MED13L: variants seen among roughly 807,000 people sequenced by gnomAD.
The protein encoded by MED13L is mediator of RNA polymerase II transcription subunit 13-like.
Under a neutral mutation model 220.9 loss-of-function variants are expected in MED13L, and 7 were observed. That is an observed-to-expected ratio of 0.03 (90% CI 0.02 to 0.06). The LOEUF (loss-of-function observed/expected upper bound fraction) is 0.06. Ranked by LOEUF, MED13L falls within the 10% of genes least tolerant of loss-of-function variation. The pLI, the probability that MED13L is intolerant of heterozygous loss-of-function variation, is 1.00. For missense variants in MED13L, 1,965 were observed against 2,760.5 expected (o/e 0.71, Z 6.46); for synonymous variants, 1,011 against 1,015.2 (o/e 1.00, Z 0.08).
chr12:116,024,044 G>C (rs2113544), intron 4 of MED13L, among the ~76,000 whole-genome samples: 1,710 of 152,220 alleles, frequency 0.011, 30 homozygotes, highest in African/African-American at 0.036. Flanking sequence ...TCAGCTAAGG[G>C]AGTTTGAGCT....
intron 17 of MED13L, among the ~76,000 whole-genome samples, chr12:115,989,200 G>A (rs936809297): frequency 3.3e-5 from 5 of 152,060 alleles, no homozygotes; most frequent in African/African-American, 9.7e-5. Flanking sequence ...AGCCGGGTTC[G>A]CACATCATTC....
At chr12:116,008,336 T>C (rs1879180704) in intron 10 of MED13L, 65 bp downstream of exon 10, 2 of 1,530,324 alleles carry the variant, frequency 1.3e-6, no homozygotes, top group Admixed American at 2.1e-5. Context: ...GTTTAGCAGG[T>C]AGAGATGGGG....
intron 17 of MED13L, among the ~76,000 whole-genome samples, chr12:115,990,308 G>C (rs540765430): frequency 3.9e-4 from 60 of 152,278 alleles, no homozygotes; most frequent in African/African-American, 1.1e-3. Flanking sequence ...TTATAAAATG[G>C]GTTGTAATAA....
intron 29 of MED13L, among the ~76,000 whole-genome samples, chr12:115,965,484 T>C (rs1057236224): frequency 2.6e-5 from 4 of 152,240 alleles, no homozygotes; most frequent in African/African-American, 4.8e-5. Flanking sequence ...CAACACAGTA[T>C]GCTGCCAAAT....
chr12:116,156,800 C>T (rs1361792609), intron 2 of MED13L, among the ~76,000 whole-genome samples: 1 of 152,134 alleles, frequency 6.6e-6, no homozygotes, highest in Non-Finnish European at 1.5e-5. Context: ...ATGCCTAAGT[C>T]ATAAAACTGC....
chr12:116,041,597 C>T (rs1414640054), intron 4 of MED13L, among the ~76,000 whole-genome samples: 2 of 152,322 alleles, frequency 1.3e-5, no homozygotes, highest in African/African-American at 2.4e-5. Flanking sequence ...GCAATCCCAG[C>T]ACTTTGGGAG....
chr12:116,006,513 T>G, intron 11 of MED13L, 102 bp from the exon 12 acceptor site: 1 of 901,192 alleles, frequency 1.1e-6, no homozygotes, highest in Non-Finnish European at 1.8e-6. Flanking sequence ...GAACTTGTTA[T>G]GAGCACAAGT....
At chr12:116,226,781 A>C (rs1869043527) in intron 2 of MED13L, among the ~76,000 whole-genome samples, 1 of 151,366 alleles carries the variant, frequency 6.6e-6, no homozygotes, top group South Asian at 2.1e-4. Context: ...AGGCAGGGGA[A>C]CTGCTCGAAC....
chr12:116,206,562 A>G (rs994464439), intron 2 of MED13L, among the ~76,000 whole-genome samples: 10 of 152,198 alleles, frequency 6.6e-5, no homozygotes, highest in African/African-American at 1.2e-4. Flanking sequence ...GGGGAAAAAA[A>G]GGTAACAATA....
At chr12:116,197,101 A>G (rs1881679860) in intron 2 of MED13L, among the ~76,000 whole-genome samples, 1 of 152,176 alleles carries the variant, frequency 6.6e-6, no homozygotes, top group African/African-American at 2.4e-5. Context: ...TAAACAGCAC[A>G]CTCACTTTAC....
In MED13L at chr12:116,277,165, A is replaced by ATG; in HGVS notation, c.-36_-35dup. 6.6e-7 allele frequency: 1 copy of ATG among 1,519,156 alleles called. No homozygotes were observed. Among genetic ancestry groups the ATG allele is most frequent in the Non-Finnish European group, 8.9e-7 (1 of 1,129,196 alleles). 94.1% of individuals were successfully genotyped at this position (1,519,156 alleles called of 1,614,324 possible). ...GCGAGCCCGGCCGCCAGAGCGGGGC[A>ATG]TGTCGGAGCGAGGCGTCCGAGGCGA... On this transcript the variant is annotated 5_prime_UTR_variant, in exon 1 of 31. It adds an upstream start codon to the 5' untranslated region. Transcript: ENST00000281928.
Position 116,277,269 on chromosome 12 carries a change from GCC to G in MED13L, c.-140_-139del. The G allele has an allele frequency of 4.8e-6, 1 of 209,340 alleles. No homozygotes were observed. Among genetic ancestry groups the G allele is most frequent in the African/African-American group, 2.4e-5 (1 of 41,688 alleles). 13.0% of individuals were successfully genotyped at this position (209,340 alleles called of 1,614,324 possible). A position where few individuals can be genotyped will look rare whatever the true frequency, so the allele number is the denominator to read the frequency against. On this transcript the variant is annotated 5_prime_UTR_variant, in exon 1 of 31. Coordinates refer to ENST00000281928, the MANE Select transcript of MED13L (RefSeq NM_015335.5). ...GCCGCCGCCGGGGGAGGGCGCGAGG[GCC>G]GGCGGGCAGGCGGGAGGCGCCGCGG...
intron 4 of MED13L, among the ~76,000 whole-genome samples, chr12:116,084,016 C>T (rs753235827): frequency 6.6e-6 from 1 of 152,176 alleles, no homozygotes; most frequent in Non-Finnish European, 1.5e-5. Flanking sequence ...CAAGTCAAAG[C>T]ACAAATACAG....
At chr12:116,108,387 G>GA (rs1293186758) in intron 3 of MED13L, among the ~76,000 whole-genome samples, 1 of 100,400 alleles carries the variant, frequency 1.0e-5, no homozygotes, top group Non-Finnish European at 2.0e-5. Flanking sequence ...AGCTTTAAAA[G>GA]AAAGGGGGGG....
intron 2 of MED13L, among the ~76,000 whole-genome samples, chr12:116,196,703 G>T (rs929401598): frequency 6.6e-6 from 1 of 152,162 alleles, no homozygotes; most frequent in Admixed American, 6.6e-5. Context: ...TAATAATGCT[G>T]ATAATTTAGG....
At chr12:116,101,595 T>C (rs1873072733) in intron 3 of MED13L, among the ~76,000 whole-genome samples, 2 of 152,220 alleles carry the variant, frequency 1.3e-5, no homozygotes, top group Non-Finnish European at 1.5e-5. Context: ...CACTGAAGAT[T>C]AAAATCATAG....
chr12:116,092,885 A>G (rs1447482658), intron 4 of MED13L, among the ~76,000 whole-genome samples: 1 of 152,166 alleles, frequency 6.6e-6, no homozygotes. Context: ...TTTGCCCAAG[A>G]GTCAGTGACA....
chr12:116,269,315 CCAAAGAGCTGGGATTACAGGCCTGAG>C, intron 1 of MED13L, among the ~76,000 whole-genome samples: 1 of 152,110 alleles, frequency 6.6e-6, no homozygotes, highest in African/African-American at 2.4e-5. Flanking sequence ...CCTCGGCCTC[CCAAAGAGCTGGGATTACAGGCCTGAG>C]CACCGCACCC....
At chr12:116,256,564 C>A (rs372483734) in intron 1 of MED13L, among the ~76,000 whole-genome samples, 11 of 151,748 alleles carry the variant, frequency 7.2e-5, no homozygotes, top group African/African-American at 2.2e-4. Context: ...ATTATGAAAC[C>A]GTACACTTAA....
Sources: allele counts gnomAD v4.1 joint callset (sites outside exome capture counted in the v4.1 genomes callset), GRCh38; gene constraint gnomAD v4.1.1; transcripts MANE v1.5; gene names NCBI Gene and HGNC (gene_info 2026-07-23, HGNC 2026-07-21).